DNAH8: variants seen among roughly 807,000 people sequenced by gnomAD.
DNAH8 encodes the protein axonemal beta dynein heavy chain 8.
A neutral mutation model predicts 562.1 loss-of-function variants in DNAH8; 382 were observed. The observed-to-expected ratio is 0.68, with a 90% confidence interval of 0.63 to 0.74. The LOEUF (loss-of-function observed/expected upper bound fraction) is 0.74. Ranked by LOEUF, DNAH8 falls within the 30% of genes least tolerant of loss-of-function variation. DNAH8 has a pLI of 0.00. For synonymous variants in DNAH8, 1,881 were observed against 1,919.4 expected (o/e 0.98, Z 0.52); for missense variants, 5,203 against 5,620.4 (o/e 0.93, Z 2.37).
At chr6:38,757,476 G>T (rs1766033430) in intron 10 of DNAH8, among the ~76,000 whole-genome samples, 1 of 151,932 alleles carries the variant, frequency 6.6e-6, no homozygotes, top group Non-Finnish European at 1.5e-5. Context: ...TAGGTTGCCT[G>T]TTCACTCTGA....
At chr6:38,823,191 C>T (rs972529635) in intron 27 of DNAH8, among the ~76,000 whole-genome samples, 157 bp downstream of exon 27, 1 of 152,166 alleles carries the variant, frequency 6.6e-6, no homozygotes, top group African/African-American at 2.4e-5. Context: ...TGGTGTAATT[C>T]TCACATGGAC....
chr6:38,763,038 C>G (rs747854926), intron 11 of DNAH8: 1 of 410,010 alleles, frequency 2.4e-6, no homozygotes, highest in Non-Finnish European at 4.8e-6. Context: ...CAGATCAAAG[C>G]AGCTCATAAA....
At chr6:38,846,403 A>G (rs575261322) in intron 36 of DNAH8, among the ~76,000 whole-genome samples, 1 of 152,186 alleles carries the variant, frequency 6.6e-6, no homozygotes, top group South Asian at 2.1e-4. Flanking sequence ...GGCACTGGCA[A>G]CCTCTATTCC....
intron 27 of DNAH8, 21 bp downstream of exon 27, chr6:38,823,055 A>G (rs762138445): frequency 2.6e-6 from 4 of 1,549,422 alleles, no homozygotes; most frequent in South Asian, 2.5e-5. Flanking sequence ...GCTACTTGTG[A>G]TGTTGTTTGG....
intron 58 of DNAH8, among the ~76,000 whole-genome samples, chr6:38,891,650 T>C (rs1028312738): frequency 1.3e-5 from 2 of 152,238 alleles, no homozygotes; most frequent in African/African-American, 4.8e-5. Flanking sequence ...CACATGCCAT[T>C]GCACCTCTTT....
rs70981590 is a variant in DNAH8, at chr6:38,818,537, C to CAAAAAAAAAAAAAA, written c.3523+2883_3523+2896dup. Among the ~76,000 whole-genome samples the CAAAAAAAAAAAAAA allele has an allele frequency of 1.5e-3, 116 of 75,742 alleles. 2 individuals carry two copies. The highest frequency in any genetic ancestry group is 2.7e-3 in the African/African-American group (44 of 16,102). 49.7% of individuals were successfully genotyped at this position (75,742 alleles called of 152,430 possible). On this transcript the variant is annotated intron_variant, in intron 26 of 92. Transcript: ENST00000327475. ...CAAAATAAGAAAGCAAAAGCAAAAGCAAAAAAAAAAAAAAAAGAAGATATG... is the reference window on the plus strand; with the variant it reads ...CAAAATAAGAAAGCAAAAGCAAAAGCAAAAAAAAAAAAAAAAAAAAAAAAAAAAAAGAAGATATG...
At position 38,781,992 on chromosome 6, in the gene DNAH8, C is replaced by A. The variant is rs146544986; in HGVS notation, c.2259+619C>A. Among the ~76,000 whole-genome samples the A allele has an allele frequency of 2.0e-3, 307 of 151,966 alleles. 1 individual carries two copies. The highest frequency in any genetic ancestry group is 6.7e-3 in the African/African-American group (276 of 41,422). On this transcript the variant is annotated intron_variant, in intron 16 of 92. Transcript: ENST00000327475. ...GGAGTTGGTTTGCTTGATCTCGTGC[C>A]CTTTGCTGAAATATAGAACAATATA...
At chr6:38,936,250 T>TA (rs1178435608) in intron 77 of DNAH8, 1 of 152,166 alleles carries the variant, frequency 6.6e-6, no homozygotes, top group African/African-American at 2.4e-5. Context: ...ATGACACATG[T>TA]AATCCATGTC....
intron 82 of DNAH8, among the ~76,000 whole-genome samples, chr6:38,966,182 C>T (rs1385543767): frequency 6.6e-6 from 1 of 151,872 alleles, no homozygotes; most frequent in Non-Finnish European, 1.5e-5. Flanking sequence ...AACTACTTAC[C>T]CAAATTTAAA....
At chr6:38,957,866 C>CAAAAAAAAA (rs1209427701) in intron 82 of DNAH8, among the ~76,000 whole-genome samples, 58 of 75,766 alleles carry the variant, frequency 7.7e-4, no homozygotes, top group African/African-American at 1.0e-3. Context: ...ATGCCTACAC[C>CAAAAAAAAA]AAAAAAAAAA....
At chr6:38,867,752 C>CAAAAAAAAAAAA (rs68060910) in intron 47 of DNAH8, among the ~76,000 whole-genome samples, 1 of 88,794 alleles carries the variant, frequency 1.1e-5, no homozygotes, top group Non-Finnish European at 2.3e-5. Context: ...GACTCCATCT[C>CAAAAAAAAAAAA]AAAAAAAAAA....
chr6:38,998,087 A>G lies in DNAH8; in HGVS notation c.13214+7915A>G, dbSNP rs113763995. On this transcript the variant is annotated intron_variant, in intron 88 of 92. Coordinates refer to ENST00000327475, the MANE Select transcript of DNAH8 (RefSeq NM_001206927.2). ...CTTGATGATAGGCTATAATTGGGCC[A>G]TGATGGAGAACTCGATGCCCCCTGT... Among the ~76,000 whole-genome samples, 306 of 152,322 alleles carry G rather than the reference A, an allele frequency of 2.0e-3. 1 individual carries two copies. Among genetic ancestry groups the G allele is most frequent in the African/African-American group, 6.9e-3 (288 of 41,574 alleles).
chr6:38,764,987 A>T (rs910448573), intron 11 of DNAH8, among the ~76,000 whole-genome samples: 1 of 152,106 alleles, frequency 6.6e-6, no homozygotes, highest in African/African-American at 2.4e-5. Context: ...GATGCCTGCC[A>T]CCATGCCCAG....
At chr6:38,945,401 A>T (rs522327) in intron 79 of DNAH8, 66 bp from the exon 80 acceptor site, 15 of 1,530,084 alleles carry the variant, frequency 9.8e-6, no homozygotes, top group South Asian at 2.5e-5. Context: ...TTATTATTTG[A>T]AAAGTACATT....
At chr6:38,857,155 G>A (rs926137464) in intron 41 of DNAH8, among the ~76,000 whole-genome samples, 1 of 152,172 alleles carries the variant, frequency 6.6e-6, no homozygotes, top group African/African-American at 2.4e-5. Context: ...AGACCTTTGG[G>A]AAGCCCTGTT....
In DNAH8 at chr6:38,737,217, T is replaced by G; in HGVS notation, c.913T>G (p.Phe305Val). 1.3e-6 allele frequency: 2 copies of G among 1,519,852 alleles called. No homozygotes were observed. The highest frequency in any genetic ancestry group is 1.8e-6 in the Non-Finnish European group (2 of 1,132,568). The allele number at this position is 1,519,852 out of a possible 1,614,324, so 94.1% of individuals were successfully genotyped here. A position where few individuals can be genotyped will look rare whatever the true frequency, so the allele number is the denominator to read the frequency against. Residue 305 changes from phenylalanine (F) to valine (V), a missense_variant, in exon 6 of 93, where the codon TTC (phenylalanine) becomes GTC (valine). By Grantham distance (50) the Phe-to-Val change is conservative (BLOSUM62 -1). Coordinates refer to ENST00000327475, the MANE Select transcript of DNAH8 (RefSeq NM_001206927.2). ...GCAGGGAGAATCTGAAAAACATATT[T>G]TCACTGAAACCATCAACAGATATCT... is the stretch of plus-strand genomic sequence containing the variant. ...SKQGESEKHI[F>V]TETINRYLSF...
chr6:38,970,601 A>G (rs1022702650), intron 82 of DNAH8, among the ~76,000 whole-genome samples: 2 of 152,128 alleles, frequency 1.3e-5, no homozygotes, highest in African/African-American at 4.8e-5. Flanking sequence ...ACAGGATGCC[A>G]TTTAAATGGT....
chr6:38,835,456 A>G (rs1294727532), intron 32 of DNAH8, among the ~76,000 whole-genome samples: 1 of 152,222 alleles, frequency 6.6e-6, no homozygotes, highest in Non-Finnish European at 1.5e-5. Context: ...AAGTGCGATG[A>G]GAGCTGTGAC....
At chr6:38,836,813 C>G (rs992793682) in intron 32 of DNAH8, among the ~76,000 whole-genome samples, 5 of 152,068 alleles carry the variant, frequency 3.3e-5, no homozygotes, top group African/African-American at 1.2e-4. Context: ...GGGCACCCTG[C>G]TGGCCTGTTG....
Sources: allele counts gnomAD v4.1 joint callset (sites outside exome capture counted in the v4.1 genomes callset), GRCh38; gene constraint gnomAD v4.1.1; transcripts MANE v1.5; gene names NCBI Gene and HGNC (gene_info 2026-07-23, HGNC 2026-07-21).